The following LHPP variants were observed in gnomAD, a reference collection of about 807,000 sequenced individuals.
The protein encoded by LHPP is phospholysine phosphohistidine inorganic pyrophosphate phosphatase.
Under a neutral mutation model 30.3 loss-of-function variants are expected in LHPP, and 24 were observed. The ratio of observed to expected loss-of-function variants is 0.79; its 90% CI spans 0.57 to 1.11. The LOEUF is 1.11. LHPP is among the 50% of genes most tolerant of loss of function. The pLI is 0.00. For synonymous variants in LHPP, 150 were observed against 157.1 expected (o/e 0.95, Z 0.34); for missense variants, 356 against 367.2 (o/e 0.97, Z 0.25).
At chr10:124,548,843 G>A (rs529283961) in intron 6 of LHPP, among the ~76,000 whole-genome samples, 13 of 152,326 alleles carry the variant, frequency 8.5e-5, no homozygotes, top group African/African-American at 2.6e-4. Flanking sequence ...CCGGGTCCCC[G>A]GACACCGAGG....
chr10:124,553,430 G>A (rs944322123), intron 6 of LHPP, among the ~76,000 whole-genome samples: 3 of 150,934 alleles, frequency 2.0e-5, no homozygotes, highest in Non-Finnish European at 4.4e-5. Flanking sequence ...GGCACCATAG[G>A]GCCAGGATTA....
At chr10:124,470,371 C>T (rs1952691673) in intron 1 of LHPP, among the ~76,000 whole-genome samples, 1 of 148,260 alleles carries the variant, frequency 6.7e-6, no homozygotes, top group South Asian at 2.1e-4. Context: ...AAGCAATTCC[C>T]ACCCAGGACC....
intron 6 of LHPP, among the ~76,000 whole-genome samples, chr10:124,587,736 TC>T (rs1204493771): frequency 4.9e-4 from 24 of 48,514 alleles, no homozygotes; most frequent in Non-Finnish European, 7.8e-4. Flanking sequence ...CCAGACTCCA[TC>T]TAAAAAAAAA....
rs190569562 is a variant in LHPP, at chr10:124,593,037, G to A, written c.717-20227G>A. On this transcript the variant is annotated intron_variant, in intron 6 of 6. Transcript: ENST00000368842. The surrounding 1 kb of genome is among the most constrained non-coding windows in gnomAD (Gnocchi z 4.9). ...ATGAGGTGGCCTCAGTCGGCGTTTC[G>A]GGGAACCGGGTACAAGTTGCTAGGG... Among the ~76,000 whole-genome samples, 51 of 152,294 alleles carry A rather than the reference G, an allele frequency of 3.3e-4. No homozygotes were observed. Among genetic ancestry groups the A allele is most frequent in the Non-Finnish European group, 5.7e-4 (39 of 68,026 alleles).
rs778487162 is a variant in LHPP at position 124,484,150 on chromosome 10, C to T, written c.137C>T (p.Ser46Phe). 1 of 1,613,872 alleles carries T rather than the reference C, an allele frequency of 6.2e-7. No individual in the cohort carries two copies. Among genetic ancestry groups the T allele is most frequent in the East Asian group, 2.2e-5 (1 of 44,884 alleles). Residue 46 changes from serine (S) to phenylalanine (F), a missense_variant, in exon 2 of 7, where the codon TCC becomes TTC. Physicochemically the swap from Ser to Phe is radical, Grantham distance 155. Coordinates refer to ENST00000368842, the MANE Select transcript of LHPP (RefSeq NM_022126.4). ...CTCCCCTGCCGCAGACTGAAGCGTT[C>T]CCGGCTGAAGGTGAGGTTCTGCACC... Reference protein sequence around the residue: ...SVEAVARLKRSRLKVRFCTNE... With the variant: ...SVEAVARLKRFRLKVRFCTNE...
rs765201424 is a variant in LHPP at position 124,613,326 on chromosome 10, CAGTGGACCTGCTGCTGCAGCACGCCGACA to C, written c.784_812del (p.Asp262MetfsTer87). The C allele has an allele frequency of 6.2e-7, 1 of 1,613,276 alleles. No homozygotes were observed. The highest frequency in any genetic ancestry group is 1.1e-5 in the South Asian group (1 of 91,084). ...GGGTACGTGGACAACCTCGCAGAGG[CAGTGGACCTGCTGCTGCAGCACGCCGACA>C]AGTGATGGCCTCCTGGGAGAGCCCC... On this transcript the variant is annotated frameshift_variant, in exon 7 of 7. Transcript: ENST00000368842. LOFTEE classifies it high-confidence loss of function.
intron 1 of LHPP, among the ~76,000 whole-genome samples, chr10:124,473,989 T>C (rs754553064): frequency 1.1e-4 from 16 of 152,088 alleles, no homozygotes; most frequent in Admixed American, 2.0e-4. Context: ...TTTCCTTTTT[T>C]TTTAAGTTTT....
At chr10:124,575,138 T>A (rs1304371283) in intron 6 of LHPP, among the ~76,000 whole-genome samples, 1 of 151,826 alleles carries the variant, frequency 6.6e-6, no homozygotes, top group African/African-American at 2.4e-5. Flanking sequence ...TATTGAGCAA[T>A]TACAAAGGGC....
intron 5 of LHPP, among the ~76,000 whole-genome samples, chr10:124,515,756 T>A (rs868820703): frequency 1.9e-4 from 29 of 152,364 alleles, no homozygotes; most frequent in Middle Eastern, 6.8e-3. Context: ...TCGCACTCAA[T>A]GCCCTGTGCA....
chr10:124,551,463 G>A (rs965128149), intron 6 of LHPP, among the ~76,000 whole-genome samples: 3 of 152,182 alleles, frequency 2.0e-5, no homozygotes, highest in Admixed American at 6.5e-5. Flanking sequence ...CAGGGTGGGG[G>A]CGGGGGGGCA....
At position 124,576,747 on chromosome 10, in the gene LHPP, G is replaced by A. The variant is rs1005586707; in HGVS notation, c.717-36517G>A. ...CTGAGGGGGGTTCTTTAGGGCAGGA[G>A]TTACCTGCCCTGTAGACGGGGAGAC... On this transcript the variant is annotated intron_variant, in intron 6 of 6. Transcript: ENST00000368842. This position sits in a 1 kb window ranked among gnomAD's most constrained non-coding sequence, Gnocchi z 4.2. Among the ~76,000 whole-genome samples, 61 of 152,182 alleles carry A rather than the reference G, an allele frequency of 4.0e-4. No homozygotes were observed. Among genetic ancestry groups the A allele is most frequent in the Non-Finnish European group, 1.8e-4 (12 of 67,994 alleles).
In LHPP at chr10:124,596,345, T is replaced by C. The variant is rs72839008; in HGVS notation, c.717-16919T>C. On this transcript the variant is annotated intron_variant, in intron 6 of 6. Transcript: ENST00000368842. This position sits in a 1 kb window ranked among gnomAD's most constrained non-coding sequence, Gnocchi z 4.6. ...TTGCCAAACATTTCTCCAGAGTGTC[T>C]GATGTACCATGTTGCGCTCCCGCCA... Among the ~76,000 whole-genome samples the C allele has an allele frequency of 0.042, 6,383 of 152,280 alleles. 290 individuals are homozygous for C. Among genetic ancestry groups the C allele is most frequent in the East Asian group, 0.21 (1,091 of 5,168 alleles).
At chr10:124,546,603 G>A (rs1452114885) in intron 6 of LHPP, among the ~76,000 whole-genome samples, 2 of 151,978 alleles carry the variant, frequency 1.3e-5, no homozygotes, top group Non-Finnish European at 2.9e-5. Flanking sequence ...GTAGAGATGG[G>A]GTTTCACCAT....
At chr10:124,544,560 C>A (rs1276108179) in intron 6 of LHPP, among the ~76,000 whole-genome samples, 5 of 152,216 alleles carry the variant, frequency 3.3e-5, no homozygotes, top group Non-Finnish European at 5.9e-5. Context: ...CACCACCAGA[C>A]CCGAATCCAC....
intron 6 of LHPP, among the ~76,000 whole-genome samples, chr10:124,591,032 T>C (rs1324498975): frequency 3.9e-5 from 6 of 152,048 alleles, no homozygotes; most frequent in Non-Finnish European, 8.8e-5. Flanking sequence ...CTCAAGTCTG[T>C]GTGGGGAGTG....
intron 6 of LHPP, among the ~76,000 whole-genome samples, chr10:124,611,030 G>A (rs1333804698): frequency 4.3e-5 from 5 of 117,158 alleles, no homozygotes; most frequent in East Asian, 5.7e-4. Flanking sequence ...TGAGGGTGCT[G>A]ATGGAGCGGG....
intron 5 of LHPP, among the ~76,000 whole-genome samples, chr10:124,513,876 G>A (rs1954381678): frequency 6.6e-6 from 1 of 151,704 alleles, no homozygotes; most frequent in South Asian, 2.1e-4. Flanking sequence ...TGACGTTTCA[G>A]CCACACTGGC....
intron 6 of LHPP, among the ~76,000 whole-genome samples, chr10:124,597,141 C>T (rs1046007149): frequency 2.6e-5 from 4 of 152,174 alleles, no homozygotes; most frequent in Non-Finnish European, 4.4e-5. Flanking sequence ...CGGGAGGTGT[C>T]GGCTTCCCTA....
intron 6 of LHPP, among the ~76,000 whole-genome samples, chr10:124,577,972 G>C (rs548910417): frequency 6.6e-6 from 1 of 152,250 alleles, no homozygotes; most frequent in East Asian, 1.9e-4. Flanking sequence ...TGCCACCCAG[G>C]TTTCCTCTAA....
Sources: allele counts gnomAD v4.1 joint callset (sites outside exome capture counted in the v4.1 genomes callset), GRCh38; gene constraint gnomAD v4.1.1; non-coding constraint Gnocchi (gnomAD v3.1); transcripts MANE v1.5; gene names NCBI Gene and HGNC (gene_info 2026-07-23, HGNC 2026-07-21).